AGBL1: variants seen among roughly 807,000 people sequenced by gnomAD.
AGBL1 encodes cytosolic carboxypeptidase 4.
A neutral mutation model predicts 118.9 loss-of-function variants in AGBL1; 130 were observed. That is an observed-to-expected ratio of 1.09 (90% confidence interval 0.95 to 1.26). AGBL1 has a LOEUF of 1.26. Among genes scored for constraint, AGBL1 ranks in the 50% most tolerant of loss-of-function variants. AGBL1 has a pLI of 0.00. For missense variants in AGBL1, 1,584 were observed against 1,298.1 expected, an observed-to-expected ratio of 1.22 and a Z score of -3.38; for synonymous variants, 555 against 478.9, an observed-to-expected ratio of 1.16 and a Z score of -2.08.
At chr15:86,697,698 CT>C (rs2086286054) in intron 22 of AGBL1, among the ~76,000 whole-genome samples, 1 of 151,786 alleles carries the variant, frequency 6.6e-6, no homozygotes, top group Admixed American at 6.6e-5. Flanking sequence ...TTTCTGGTTC[CT>C]TTTCATTTGG....
At chr15:86,196,296 G>GT (rs1451245008) in intron 5 of AGBL1, among the ~76,000 whole-genome samples, 6 of 152,124 alleles carry the variant, frequency 3.9e-5, no homozygotes, top group Non-Finnish European at 8.8e-5. Flanking sequence ...CACAGGCTTA[G>GT]TTTTTTCCAT....
intron 22 of AGBL1, among the ~76,000 whole-genome samples, chr15:86,810,115 T>A (rs1407107973): frequency 2.0e-5 from 3 of 152,110 alleles, no homozygotes; most frequent in Non-Finnish European, 4.4e-5. Context: ...CTTGGGAAGG[T>A]TTTGTAAAAA....
At chr15:86,682,988 G>A (rs780062132) in intron 22 of AGBL1, among the ~76,000 whole-genome samples, 5 of 152,062 alleles carry the variant, frequency 3.3e-5, no homozygotes, top group Non-Finnish European at 7.4e-5. Context: ...GGACTGCACT[G>A]GCATTTGAAT....
chr15:86,709,112 C>A (rs2086508042), intron 22 of AGBL1, among the ~76,000 whole-genome samples: 1 of 152,058 alleles, frequency 6.6e-6, no homozygotes, highest in Non-Finnish European at 1.5e-5. Flanking sequence ...ATTTATAATC[C>A]TATCTATGGT....
chr15:86,379,494 T>A (rs762366870), intron 17 of AGBL1, among the ~76,000 whole-genome samples: 80 of 152,186 alleles, frequency 5.3e-4, no homozygotes, highest in Non-Finnish European at 8.7e-4. Flanking sequence ...TGAATAATAA[T>A]AATATAATTT....
chr15:86,657,161 A>C (rs1281894006), intron 21 of AGBL1, among the ~76,000 whole-genome samples: 2 of 152,052 alleles, frequency 1.3e-5, no homozygotes, highest in African/African-American at 4.8e-5. Context: ...CCTTCCACTA[A>C]GCCTTCAGCA....
chr15:86,265,551 G>A (rs1260448502), intron 11 of AGBL1, among the ~76,000 whole-genome samples: 1 of 152,174 alleles, frequency 6.6e-6, no homozygotes, highest in Non-Finnish European at 1.5e-5. Context: ...AGACCAGAAA[G>A]TTTTCTTATT....
intron 24 of AGBL1, among the ~76,000 whole-genome samples, chr15:87,020,686 C>T (rs2081655636): frequency 6.6e-6 from 1 of 152,054 alleles, no homozygotes; most frequent in South Asian, 2.1e-4. Flanking sequence ...AAATTGCTAG[C>T]ATTCCTATGC....
intron 17 of AGBL1, among the ~76,000 whole-genome samples, chr15:86,330,084 C>A (rs542810481): frequency 2.6e-5 from 4 of 152,320 alleles, no homozygotes; most frequent in African/African-American, 7.2e-5. Context: ...CATCAAGAGA[C>A]CTTTAGGTGA....
At chr15:86,373,622 A>G (rs914014085) in intron 17 of AGBL1, among the ~76,000 whole-genome samples, 5 of 152,164 alleles carry the variant, frequency 3.3e-5, no homozygotes, top group African/African-American at 1.2e-4. Context: ...CCAAGCAAAG[A>G]AAATTGAAGA....
chr15:86,905,779 C>T (rs1285336594), intron 22 of AGBL1, among the ~76,000 whole-genome samples: 3 of 152,192 alleles, frequency 2.0e-5, no homozygotes, highest in African/African-American at 7.2e-5. Flanking sequence ...GGCACAGGCT[C>T]CCAGGGTTCT....
intron 3 of AGBL1, among the ~76,000 whole-genome samples, chr15:86,153,478 G>A (rs540973436): frequency 1.3e-5 from 2 of 151,916 alleles, no homozygotes; most frequent in South Asian, 4.2e-4. Context: ...TTGGATACAG[G>A]GCAGTGAACA....
chr15:86,632,245 G>C (rs1465446940), intron 21 of AGBL1, among the ~76,000 whole-genome samples: 2 of 147,152 alleles, frequency 1.4e-5, no homozygotes, highest in Non-Finnish European at 3.0e-5. Context: ...TCCAGCCAGG[G>C]TGGCAGCGCA....
At chr15:86,335,968 G>A (rs182153282) in intron 17 of AGBL1, among the ~76,000 whole-genome samples, 27 of 152,256 alleles carry the variant, frequency 1.8e-4, no homozygotes, top group Middle Eastern at 3.4e-3. Flanking sequence ...AGCCCCTCTC[G>A]CACAGTGATT....
intron 21 of AGBL1, among the ~76,000 whole-genome samples, chr15:86,644,363 C>G (rs915588697): frequency 2.0e-5 from 3 of 151,998 alleles, no homozygotes; most frequent in African/African-American, 7.3e-5. Context: ...AAGAGCCCGT[C>G]TCTACAAAAT....
intron 1 of AGBL1, among the ~76,000 whole-genome samples, chr15:86,108,647 A>G: frequency 6.6e-6 from 1 of 152,178 alleles, no homozygotes; most frequent in Non-Finnish European, 1.5e-5. Context: ...AAATGCTCCA[A>G]GATCTATAGC....
intron 21 of AGBL1, among the ~76,000 whole-genome samples, chr15:86,605,122 A>C (rs531101991): frequency 1.3e-5 from 2 of 152,050 alleles, no homozygotes; most frequent in Admixed American, 6.6e-5. Context: ...TGGTAGTCAA[A>C]ACTGGTGACA....
At chr15:86,978,993 T>C (rs1040899619) in intron 23 of AGBL1, among the ~76,000 whole-genome samples, 5 of 152,196 alleles carry the variant, frequency 3.3e-5, no homozygotes, top group Non-Finnish European at 7.3e-5. Flanking sequence ...CATGTCTGTA[T>C]TGAGCATTCT....
At chr15:86,642,311 T>C (rs984513783) in intron 21 of AGBL1, among the ~76,000 whole-genome samples, 1 of 152,218 alleles carries the variant, frequency 6.6e-6, no homozygotes, top group Non-Finnish European at 1.5e-5. Context: ...TAGCTAAATT[T>C]ATTGTCATGC....
Sources: gnomAD v4.1 joint callset for allele counts (sites outside exome capture counted in the v4.1 genomes callset) on GRCh38, gnomAD v4.1.1 for gene constraint, MANE v1.5 for transcripts, NCBI Gene and HGNC (gene_info 2026-07-23, HGNC 2026-07-21) for gene names.